The following DAB2IP variants were observed in gnomAD, a reference collection of about 807,000 sequenced individuals.
DAB2IP encodes DAB2 interacting protein, also known as disabled homolog 2-interacting protein.
DAB2IP carries 28 observed loss-of-function variants against 107.2 expected under a neutral mutation model. The observed-to-expected ratio is 0.26, with a 90% CI of 0.19 to 0.36. DAB2IP has a LOEUF of 0.36. Among genes scored for constraint, DAB2IP ranks in the 10% least tolerant of loss-of-function variants. DAB2IP has a pLI of 1.00. For missense variants in DAB2IP, 1,400 were observed against 1,644.7 expected, an observed-to-expected ratio of 0.85 and a Z score of 2.57; for synonymous variants, 755 against 706.4, an observed-to-expected ratio of 1.07 and a Z score of -1.09.
At chr9:121,728,440 T>C (rs1481318729) in intron 3 of DAB2IP, among the ~76,000 whole-genome samples, 3 of 152,150 alleles carry the variant, frequency 2.0e-5, no homozygotes, top group Non-Finnish European at 4.4e-5. Context: ...GCTAGTTGCG[T>C]GAATTTGGGC....
In DAB2IP at chr9:121,671,262, G is replaced by A. The variant is rs561053401; in HGVS notation, c.125-7416G>A. Among the ~76,000 whole-genome samples, 4 of 152,330 alleles carry A rather than the reference G, an allele frequency of 2.6e-5. No individual in the cohort carries two copies. In the South Asian group the frequency reaches 8.3e-4, roughly 32 times the overall value. ...GAGGCAAGAGAATTGCTTGAACCCA[G>A]GAGGCGAAGGTTGCAGTGAGCTGAG... On this transcript the variant is annotated intron_variant, in intron 1 of 15. Transcript: ENST00000408936.
At chr9:121,737,530 C>T in intron 3 of DAB2IP, 1 of 985,432 alleles carries the variant, frequency 1.0e-6, no homozygotes, top group Non-Finnish European at 1.2e-6. Context: ...GAGCACCACC[C>T]TTGGGAATGG....
Position 121,721,102 on chromosome 9 carries a change from G to A in DAB2IP, c.362+21644G>A, listed in dbSNP as rs140525724. ...CTGTCCATGGGCTGGGGAGGAATCC[G>A]GCCACCTTTTTTAGAAGGCAGGAAG... On this transcript the variant is annotated intron_variant, in intron 3 of 15. Coordinates refer to ENST00000408936, the Ensembl canonical transcript of DAB2IP. Among the ~76,000 whole-genome samples, 468 of 152,228 alleles carry A rather than the reference G, an allele frequency of 3.1e-3. 2 individuals carry two copies. Among genetic ancestry groups the A allele is most frequent in the Non-Finnish European group, 5.6e-3 (381 of 68,024 alleles).
At position 121,782,644 on chromosome 9, in the gene DAB2IP, G is replaced by C. The variant is rs1835746027; in HGVS notation, c.*146G>C. 6.8e-7 allele frequency: 1 copy of C among 1,471,402 alleles called. No individual in the cohort carries two copies. Among genetic ancestry groups the C allele is most frequent in the African/African-American group, 1.4e-5 (1 of 70,716 alleles). The allele number at this position is 1,471,402 out of a possible 1,614,324, so 91.1% of individuals were successfully genotyped here. ...CTCCCCTCCCTGCCGCTGTCCAGGA[G>C]GCGGCCGCAGAGGGAGCCACCAGAG... On this transcript the variant is annotated 3_prime_UTR_variant, in exon 16 of 16. Coordinates refer to ENST00000408936, the Ensembl canonical transcript of DAB2IP. This position sits in a 1 kb window ranked among gnomAD's most constrained non-coding sequence, Gnocchi z 6.1.
intron 8 of DAB2IP, 94 bp from the exon 9 acceptor site, chr9:121,766,400 A>C: frequency 6.2e-5 from 73 of 1,183,626 alleles, no homozygotes; most frequent in Non-Finnish European, 7.8e-5. Flanking sequence ...CTGGCGGGGT[A>C]GAGCCAAGGT....
At chr9:121,739,440 T>A (rs1479260708) in intron 3 of DAB2IP, among the ~76,000 whole-genome samples, 1 of 152,184 alleles carries the variant, frequency 6.6e-6, no homozygotes, top group Non-Finnish European at 1.5e-5. Flanking sequence ...GGTGAGGAGT[T>A]CAGTAATCTG....
At chr9:121,704,489 C>T (rs1386888039) in intron 3 of DAB2IP, among the ~76,000 whole-genome samples, 1 of 152,196 alleles carries the variant, frequency 6.6e-6, no homozygotes, top group East Asian at 1.9e-4. Context: ...TATTCCTGTC[C>T]TTTGCCTGAG....
chr9:121,571,325 G>A (rs1443968013), intron 1 of DAB2IP, among the ~76,000 whole-genome samples: 1 of 152,168 alleles, frequency 6.6e-6, no homozygotes, highest in Non-Finnish European at 1.5e-5. Context: ...CCACCTGGCA[G>A]GAGTAAGCAT....
At chr9:121,639,815 A>G (rs1364456475) in intron 1 of DAB2IP, among the ~76,000 whole-genome samples, 2 of 152,070 alleles carry the variant, frequency 1.3e-5, no homozygotes, top group African/African-American at 2.4e-5. Flanking sequence ...CAGGTGGGCG[A>G]GTGAGGCTCA....
intron 3 of DAB2IP, among the ~76,000 whole-genome samples, chr9:121,704,480 A>G (rs1829957544): frequency 6.6e-6 from 1 of 152,140 alleles, no homozygotes; most frequent in Non-Finnish European, 1.5e-5. Flanking sequence ...AGACTTGTCT[A>G]TTCCTGTCCT....
chr9:121,767,096 A>G (rs2118992988), intron 9 of DAB2IP, among the ~76,000 whole-genome samples: 1 of 152,346 alleles, frequency 6.6e-6, no homozygotes, highest in Non-Finnish European at 1.5e-5. Flanking sequence ...GGACTGGCCC[A>G]TATTTCCTTA....
rs780735867 is a variant in DAB2IP at position 121,774,423 on chromosome 9, AC to A, written c.3120+14del. ...AGCCAAGCAGAAAAGGTAAAACTGG[AC>A]CCTGGCGGCTCGGGACAGGGCGGGG... On this transcript the variant is annotated intron_variant, in intron 13 of 15. Coordinates refer to ENST00000408936, the Ensembl canonical transcript of DAB2IP. 1.2e-6 allele frequency: 2 copies of A among 1,603,816 alleles called. No homozygotes were observed. Among genetic ancestry groups the A allele is most frequent in the Admixed American group, 3.4e-5 (2 of 58,600 alleles).
upstream of DAB2IP, among the ~76,000 whole-genome samples, chr9:121,649,757 A>T (rs887821160): frequency 6.6e-6 from 1 of 152,204 alleles, no homozygotes; most frequent in Non-Finnish European, 1.5e-5. Flanking sequence ...GTTTGGCCAG[A>T]GGAGGATGCA....
rs1296180047 is a variant in DAB2IP at position 121,684,503 on chromosome 9, C to T, written c.228+5722C>T. On this transcript the variant is annotated intron_variant, in intron 2 of 15. Coordinates refer to ENST00000408936, the Ensembl canonical transcript of DAB2IP. This position sits in a 1 kb window ranked among gnomAD's most constrained non-coding sequence, Gnocchi z 4.0. ...GGGTGTTCTTTGGTCCAACTGCCCT[C>T]GGAGCCCCACGACAGCTCCTTCCCG... Among the ~76,000 whole-genome samples the T allele has an allele frequency of 6.6e-6, 1 of 152,228 alleles. No homozygotes were observed. The highest frequency in any genetic ancestry group is 1.5e-5 in the Non-Finnish European group (1 of 68,044).
chr9:121,615,950 G>A (rs1455643276), intron 1 of DAB2IP, among the ~76,000 whole-genome samples: 2 of 152,158 alleles, frequency 1.3e-5, no homozygotes, highest in East Asian at 3.9e-4. Context: ...GCCTTGTCGA[G>A]GTGGCGAGAT....
intron 1 of DAB2IP, among the ~76,000 whole-genome samples, chr9:121,586,360 G>A (rs1463688768): frequency 6.6e-6 from 1 of 152,146 alleles, no homozygotes; most frequent in Non-Finnish European, 1.5e-5. Context: ...GTTGCAGTTG[G>A]GTAATTATGC....
At chr9:121,770,779 G>C in intron 11 of DAB2IP, 55 bp downstream of exon 11, 2 of 1,584,510 alleles carry the variant, frequency 1.3e-6, no homozygotes, top group Non-Finnish European at 1.7e-6. Context: ...ACTAGGCACA[G>C]CCCATCTGTA....
upstream of DAB2IP, among the ~76,000 whole-genome samples, chr9:121,647,681 G>T (rs1462768474): frequency 6.6e-6 from 1 of 152,134 alleles, no homozygotes. Context: ...CAGGAGGGGG[G>T]TGTCTCTCCT....
In DAB2IP at chr9:121,699,317, G is replaced by T. The variant is rs780019308; in HGVS notation, c.229-8G>T. 4 of 1,269,272 alleles carry T rather than the reference G, an allele frequency of 3.2e-6. No individual in the cohort carries two copies. The highest frequency in any genetic ancestry group is 1.4e-5 in the South Asian group (1 of 69,026). 78.6% of individuals were successfully genotyped at this position (1,269,272 alleles called of 1,614,324 possible). On this transcript the variant is annotated splice_polypyrimidine_tract_variant and splice_region_variant and intron_variant, in intron 2 of 15. Coordinates refer to ENST00000408936, the Ensembl canonical transcript of DAB2IP. This position sits in a 1 kb window ranked among gnomAD's most constrained non-coding sequence, Gnocchi z 6.2. ...CTCCCCTTCCCCCTCTTGTCCCCCCGTGCGCAGGGCTTCCTCAGCCGCCGC... is the reference window on the plus strand; with the variant it reads ...CTCCCCTTCCCCCTCTTGTCCCCCCTTGCGCAGGGCTTCCTCAGCCGCCGC...
Sources: gnomAD v4.1 joint callset for allele counts (sites outside exome capture counted in the v4.1 genomes callset) on GRCh38, gnomAD v4.1.1 for gene constraint, Gnocchi (gnomAD v3.1) non-coding constraint, MANE v1.5 for transcripts, NCBI Gene and HGNC (gene_info 2026-07-23, HGNC 2026-07-21) for gene names.